TNKS: variants seen among roughly 807,000 people sequenced by gnomAD.
The protein encoded by TNKS is tankyrase, also known as poly [ADP-ribose] polymerase tankyrase-1.
A neutral mutation model predicts 135.8 loss-of-function variants in TNKS; 72 were observed. That is an observed-to-expected ratio of 0.53 (90% CI 0.44 to 0.64). The LOEUF (loss-of-function observed/expected upper bound fraction) is 0.64. Ranked by LOEUF, TNKS falls within the 30% of genes least tolerant of loss-of-function variation. TNKS has a pLI of 0.00. For missense variants in TNKS, 1,769 were observed against 1,674.0 expected, an observed-to-expected ratio of 1.06 and a Z score of -0.99; for synonymous variants, 849 against 649.3, an observed-to-expected ratio of 1.31 and a Z score of -4.68.
intron 22 of TNKS, among the ~76,000 whole-genome samples, chr8:9,764,204 G>T (rs1020257458): frequency 2.0e-5 from 3 of 152,136 alleles, no homozygotes; most frequent in Non-Finnish European, 4.4e-5. Flanking sequence ...TTAATTTAGA[G>T]AGTAGTCAGA....
chr8:9,673,897 T>A (rs1802419663), intron 3 of TNKS, among the ~76,000 whole-genome samples: 1 of 152,166 alleles, frequency 6.6e-6, no homozygotes, highest in East Asian at 1.9e-4. Flanking sequence ...TTGTAACAAG[T>A]CTATAAAGAT....
intron 16 of TNKS, 141 bp from the exon 17 acceptor site, chr8:9,735,236 T>G (rs1233780615): frequency 4.7e-6 from 5 of 1,066,422 alleles, no homozygotes; most frequent in Non-Finnish European, 6.7e-6. Flanking sequence ...TATTGTGAAG[T>G]CCCTCCATTA....
chr8:9,623,709 C>T (rs1280367806), intron 3 of TNKS, among the ~76,000 whole-genome samples: 1 of 151,978 alleles, frequency 6.6e-6, no homozygotes, highest in Non-Finnish European at 1.5e-5. Context: ...GGAATAGAAA[C>T]TAACTTTCTG....
At chr8:9,654,743 C>G (rs1441532099) in intron 3 of TNKS, among the ~76,000 whole-genome samples, 1 of 152,136 alleles carries the variant, frequency 6.6e-6, no homozygotes. Flanking sequence ...TAGGGAATAC[C>G]TTAAAAAGTA....
chr8:9,734,823 C>G (rs1002618994), intron 15 of TNKS, 42 bp from the exon 16 acceptor site: 4 of 1,549,000 alleles, frequency 2.6e-6, no homozygotes, highest in African/African-American at 1.4e-5. Context: ...TACCTACTTA[C>G]TACAGAAAAT....
At chr8:9,746,909 G>A (rs1199814196) in intron 17 of TNKS, among the ~76,000 whole-genome samples, 1 of 122,756 alleles carries the variant, frequency 8.1e-6, no homozygotes, top group Non-Finnish European at 1.6e-5. Context: ...TTGAGACGGA[G>A]CCTTGCTCTG....
In TNKS at chr8:9,776,611, A is replaced by G. The variant is rs779223855; in HGVS notation, c.3898-39A>G. ...TCGGCAAGGCTTTAATATTGTGCCTACTAGAAGGGTGATTTGTTTTTCTTC... is the reference window on the plus strand; with the variant it reads ...TCGGCAAGGCTTTAATATTGTGCCTGCTAGAAGGGTGATTTGTTTTTCTTC... On this transcript the variant is annotated intron_variant, in intron 26 of 26. Coordinates refer to ENST00000310430, the MANE Select transcript of TNKS (RefSeq NM_003747.3). 16 of 1,587,158 alleles carry G rather than the reference A, an allele frequency of 1.0e-5. No individual in the cohort carries two copies. The African/African-American group carries it at 1.9e-4, about 19-fold the overall frequency.
rs755978223 is a variant in TNKS at position 9,556,685 on chromosome 8, G to A, written c.673+73G>A. The stretch of plus-strand genomic sequence containing the variant: ...GGGTCCGGTTAGGACAAGAAAACAG[G>A]TTATTGTGATGGGACAAAGTGGGGG... On this transcript the variant is annotated intron_variant, in intron 1 of 26. Transcript: ENST00000310430. 2.6e-6 allele frequency: 4 copies of A among 1,564,552 alleles called. No homozygotes were observed. The East Asian group carries it at 6.7e-5, about 26-fold the overall frequency.
At chr8:9,574,317 G>T (rs567417987) in intron 1 of TNKS, among the ~76,000 whole-genome samples, 33 of 152,188 alleles carry the variant, frequency 2.2e-4, no homozygotes, top group African/African-American at 7.7e-4. Flanking sequence ...CTCAACTGGC[G>T]CCTCTAAAAA....
intron 2 of TNKS, among the ~76,000 whole-genome samples, chr8:9,608,463 C>G (rs1799319295): frequency 6.6e-6 from 1 of 151,918 alleles, no homozygotes. Flanking sequence ...TTTACTTTCT[C>G]AAGGCTAGAA....
At chr8:9,626,378 T>G (rs1248653943) in intron 3 of TNKS, among the ~76,000 whole-genome samples, 1 of 152,236 alleles carries the variant, frequency 6.6e-6, no homozygotes, top group African/African-American at 2.4e-5. Context: ...TTGGTATACT[T>G]AGGCGCTGTG....
chr8:9,615,675 C>A lies in TNKS; in HGVS notation c.992C>A (p.Thr331Lys). The A allele has an allele frequency of 6.2e-7, 1 of 1,609,900 alleles. No homozygotes were observed. Among genetic ancestry groups the A allele is most frequent in the Non-Finnish European group, 8.5e-7 (1 of 1,177,512 alleles). Residue 331 changes from threonine (T) to lysine (K), a missense_variant and splice_region_variant, in exon 3 of 27, where the codon ACA becomes AAA. Thr to Lys is a moderately conservative substitution (Grantham distance 78). Transcript: ENST00000310430. The stretch of plus-strand genomic sequence containing the variant: ...GATCCTTCAGCAAAAGCTGTCCTTA[C>A]AGGTAAGAAGACAGAGAGCTACCGA... ...LADPSAKAVL[T>K]GEYKKDELLE...
At chr8:9,658,092 G>A (rs1378679622) in intron 3 of TNKS, among the ~76,000 whole-genome samples, 1 of 94,922 alleles carries the variant, frequency 1.1e-5, no homozygotes, top group Admixed American at 1.0e-4. Context: ...TGGCGGCTGG[G>A]AAGAGGCGCT....
intron 3 of TNKS, among the ~76,000 whole-genome samples, chr8:9,674,479 G>T (rs1802449294): frequency 6.6e-6 from 1 of 152,144 alleles, no homozygotes; most frequent in Non-Finnish European, 1.5e-5. Context: ...AGGGTAAAAG[G>T]TAACTTCTTA....
At chr8:9,725,300 G>T (rs947298101) in intron 12 of TNKS, among the ~76,000 whole-genome samples, 3 of 152,124 alleles carry the variant, frequency 2.0e-5, no homozygotes, top group African/African-American at 7.2e-5. Context: ...GCAAGATCTG[G>T]TTCCTTTCCT....
intron 3 of TNKS, chr8:9,658,355 C>T (rs1034763110): frequency 3.8e-5 from 45 of 1,178,186 alleles, no homozygotes; most frequent in South Asian, 1.8e-4. Flanking sequence ...TCCCAGGCGG[C>T]GCTCGCCGGC....
intron 3 of TNKS, among the ~76,000 whole-genome samples, chr8:9,662,187 C>T (rs1357007730): frequency 8.5e-5 from 13 of 152,274 alleles, no homozygotes; most frequent in Middle Eastern, 3.4e-3. Flanking sequence ...GTCAGTGTGG[C>T]GATTCCTCAG....
intron 3 of TNKS, among the ~76,000 whole-genome samples, chr8:9,617,145 A>C (rs533876917): frequency 1.1e-4 from 16 of 152,378 alleles, no homozygotes; most frequent in African/African-American, 3.1e-4. Context: ...GCAAAATTTA[A>C]TATAAGTTAT....
At chr8:9,744,378 T>C (rs1207580621) in intron 17 of TNKS, among the ~76,000 whole-genome samples, 1 of 152,222 alleles carries the variant, frequency 6.6e-6, no homozygotes, top group African/African-American at 2.4e-5. Flanking sequence ...CAGTGCTTTC[T>C]CTAAAATGGA....
Sources: allele counts gnomAD v4.1 joint callset (sites outside exome capture counted in the v4.1 genomes callset), GRCh38; gene constraint gnomAD v4.1.1; transcripts MANE v1.5; gene names NCBI Gene and HGNC (gene_info 2026-07-23, HGNC 2026-07-21).